Variants in PPARGC1A observed in about 807,000 individuals in gnomAD.
PPARGC1A encodes PPARG coactivator 1 alpha, also known as peroxisome proliferator-activated receptor gamma coactivator 1-alpha.
PPARGC1A carries 25 observed loss-of-function variants against 88.7 expected under a neutral mutation model. The observed-to-expected ratio is 0.28, with a 90% CI of 0.21 to 0.39. PPARGC1A has a LOEUF of 0.39. PPARGC1A is among the 10% of genes least tolerant of loss of function. PPARGC1A has a pLI of 1.00. For synonymous variants in PPARGC1A, 363 were observed against 355.6 expected, an observed-to-expected ratio of 1.02 and a Z score of -0.24; for missense variants, 880 against 968.7, an observed-to-expected ratio of 0.91 and a Z score of 1.22.
At chr4:24,418,671 T>G in the PPARGC1A span, among the ~76,000 whole-genome samples, 2 of 152,242 alleles carry the variant, frequency 1.3e-5, no homozygotes, top group African/African-American at 4.8e-5. Context: ...CAAAGATCTA[T>G]TCTAAAGATT....
At chr4:23,978,756 G>A in the PPARGC1A span, among the ~76,000 whole-genome samples, 21 of 152,158 alleles carry the variant, frequency 1.4e-4, no homozygotes, top group Admixed American at 3.9e-4. Context: ...AAAGCGACTG[G>A]GGAGGGGGAG....
chr4:24,362,524 T>G, the PPARGC1A span, among the ~76,000 whole-genome samples: 1 of 152,190 alleles, frequency 6.6e-6, no homozygotes, highest in East Asian at 1.9e-4. Context: ...AGGACTAGTT[T>G]TTTTTTCCTC....
At chr4:24,195,032 G>A in the PPARGC1A span, among the ~76,000 whole-genome samples, 1 of 152,128 alleles carries the variant, frequency 6.6e-6, no homozygotes, top group Non-Finnish European at 1.5e-5. Flanking sequence ...TAAAACTTGT[G>A]TATGTATGAA....
chr4:23,993,266 T>G, the PPARGC1A span, among the ~76,000 whole-genome samples: 15 of 152,296 alleles, frequency 9.8e-5, no homozygotes, highest in East Asian at 2.9e-3. Context: ...ATAGATTATC[T>G]CTTCCTTTGA....
At chr4:23,939,201 AT>A in the PPARGC1A span, among the ~76,000 whole-genome samples, 3 of 152,140 alleles carry the variant, frequency 2.0e-5, no homozygotes, top group Non-Finnish European at 2.9e-5. Context: ...CCTCCTGTGC[AT>A]TTCAATAAGA....
At chr4:23,809,605 A>T (rs1720495357) in intron 10 of PPARGC1A, among the ~76,000 whole-genome samples, 1 of 152,210 alleles carries the variant, frequency 6.6e-6, no homozygotes, top group African/African-American at 2.4e-5. Context: ...AAAAGTAAAA[A>T]TATGAAAAAT....
the PPARGC1A span, among the ~76,000 whole-genome samples, chr4:24,147,110 T>C: frequency 1.3e-5 from 2 of 152,160 alleles, no homozygotes; most frequent in Non-Finnish European, 2.9e-5. Flanking sequence ...AGTGACAGTC[T>C]TGGGTTTTCA....
chr4:24,114,043 G>A, the PPARGC1A span, among the ~76,000 whole-genome samples: 1 of 143,838 alleles, frequency 7.0e-6, no homozygotes, highest in African/African-American at 2.5e-5. Flanking sequence ...AGAATCTCTT[G>A]AACCCAGGAG....
chr4:23,953,894 C>G, the PPARGC1A span, among the ~76,000 whole-genome samples: 1 of 151,956 alleles, frequency 6.6e-6, no homozygotes, highest in African/African-American at 2.4e-5. Flanking sequence ...AAAAATGCTT[C>G]AAGTTAGAAC....
At chr4:24,107,143 T>A in the PPARGC1A span, among the ~76,000 whole-genome samples, 2 of 152,166 alleles carry the variant, frequency 1.3e-5, no homozygotes, top group East Asian at 3.8e-4. Flanking sequence ...AAAAACACAT[T>A]AGGAAATTGG....
the PPARGC1A span, among the ~76,000 whole-genome samples, chr4:24,205,876 C>A: frequency 2.0e-5 from 3 of 152,134 alleles, no homozygotes; most frequent in African/African-American, 7.2e-5. Flanking sequence ...ATTCAGTAAG[C>A]ACAATATATG....
At chr4:23,808,507 T>C (rs1171459530) in intron 10 of PPARGC1A, among the ~76,000 whole-genome samples, 1 of 152,076 alleles carries the variant, frequency 6.6e-6, no homozygotes, top group African/African-American at 2.4e-5. Context: ...ACTGTACAGA[T>C]TGCAAATGGA....
chr4:24,348,054 GT>G, the PPARGC1A span, among the ~76,000 whole-genome samples: 1 of 152,098 alleles, frequency 6.6e-6, no homozygotes, highest in African/African-American at 2.4e-5. Context: ...GTATCTTTCT[GT>G]CATATATGAT....
the PPARGC1A span, among the ~76,000 whole-genome samples, chr4:24,294,137 T>C: frequency 1.3e-5 from 2 of 152,168 alleles, no homozygotes; most frequent in Admixed American, 6.5e-5. Flanking sequence ...GCCGAGGCTT[T>C]TGGTCAGCCT....
At chr4:23,804,936 T>A (rs538392915) in intron 10 of PPARGC1A, among the ~76,000 whole-genome samples, 35 of 152,306 alleles carry the variant, frequency 2.3e-4, no homozygotes, top group African/African-American at 8.4e-4. Flanking sequence ...TCCTTTCCAA[T>A]TGTAATTAAT....
chr4:24,443,065 G>A, the PPARGC1A span, among the ~76,000 whole-genome samples: 39 of 152,140 alleles, frequency 2.6e-4, no homozygotes, highest in Admixed American at 6.5e-4. Flanking sequence ...TAATTTGTAT[G>A]TAGTTCCTGG....
the PPARGC1A span, among the ~76,000 whole-genome samples, chr4:24,189,091 G>A: frequency 6.6e-6 from 1 of 152,100 alleles, no homozygotes; most frequent in Non-Finnish European, 1.5e-5. Context: ...GCTACTTGGA[G>A]TAGTCAAAAT....
the PPARGC1A span, among the ~76,000 whole-genome samples, chr4:24,088,096 C>T: frequency 0.014 from 2,094 of 152,242 alleles, 46 homozygotes; most frequent in African/African-American, 0.048. Flanking sequence ...CACCTGTAAT[C>T]CCAGCATTTT....
At chr4:23,809,999 G>C (rs1383980155) in intron 10 of PPARGC1A, among the ~76,000 whole-genome samples, 1 of 152,104 alleles carries the variant, frequency 6.6e-6, no homozygotes, top group Non-Finnish European at 1.5e-5. Context: ...TTATCTGCCA[G>C]TATGGTTGAA....
Sources: gnomAD v4.1 joint callset for allele counts (sites outside exome capture counted in the v4.1 genomes callset) on GRCh38, gnomAD v4.1.1 for gene constraint, MANE v1.5 for transcripts, NCBI Gene and HGNC (gene_info 2026-07-23, HGNC 2026-07-21) for gene names.